GIGYF1: variants seen among roughly 807,000 people sequenced by gnomAD.
The protein encoded by GIGYF1 is GRB10 interacting GYF protein 1.
GIGYF1 carries 84 observed loss-of-function variants against 147.1 expected under a neutral mutation model. That is an observed-to-expected ratio of 0.57 (90% CI 0.48 to 0.68). The LOEUF (loss-of-function observed/expected upper bound fraction) is 0.68. Ranked by LOEUF, GIGYF1 falls within the 30% of genes least tolerant of loss-of-function variation. The pLI is 0.00. For missense variants in GIGYF1, 1,485 were observed against 1,393.7 expected (o/e 1.07, Z -1.04); for synonymous variants, 752 against 589.5 (o/e 1.28, Z -3.99).
chr7:100,688,140 A>C, intron 4 of GIGYF1, 30 bp from the exon 5 acceptor site: 1 of 1,604,932 alleles, frequency 6.2e-7, no homozygotes, highest in Non-Finnish European at 8.5e-7. Flanking sequence ...AAGAAGACAG[A>C]GGTCAGGGCA....
intron 5 of GIGYF1, 22 bp downstream of exon 5, chr7:100,687,959 C>T (rs575144026): frequency 1.9e-6 from 3 of 1,608,902 alleles, no homozygotes; most frequent in Admixed American, 1.7e-5. Flanking sequence ...CCACCGCCAA[C>T]CCCCCTCGCC....
In GIGYF1 at chr7:100,686,818, T is replaced by G. The variant is rs1403304720; in HGVS notation, c.525A>C (p.Ala175=). The G allele has an allele frequency of 2.5e-6, 4 of 1,613,634 alleles. No homozygotes were observed. The highest frequency in any genetic ancestry group is 3.4e-6 in the Non-Finnish European group (4 of 1,179,866). ...RFEKSARRDG[A]RCGFEEGGAG... ...CCCCTCCCTCCTCAAAGCCACATCGTGCTGGGAGACGGGAAGACAGGGGCA... is the reference window on the plus strand; with the variant it reads ...CCCCTCCCTCCTCAAAGCCACATCGGGCTGGGAGACGGGAAGACAGGGGCA... The change falls in exon 10 of 27, where the codon GCA becomes GCC. Residue 175 remains alanine, a splice_region_variant and synonymous_variant. Coordinates refer to ENST00000678049, the MANE Select transcript of GIGYF1 (RefSeq NM_001375765.1).
chr7:100,684,973 C>G (rs932744868), intron 14 of GIGYF1, 76 bp downstream of exon 14: 1 of 1,550,956 alleles, frequency 6.4e-7, no homozygotes, highest in Non-Finnish European at 8.6e-7. Flanking sequence ...GGAGCTTGAG[C>G]TGGGGCCGGG....
In GIGYF1 at chr7:100,687,871, G is replaced by A; in HGVS notation, c.178C>T (p.Leu60=). 2 of 1,613,484 alleles carry A rather than the reference G, an allele frequency of 1.2e-6. No homozygotes were observed. Among genetic ancestry groups the A allele is most frequent in the Non-Finnish European group, 1.7e-6 (2 of 1,179,990 alleles). Residue 60 remains leucine, a synonymous_variant, in exon 6 of 27, where the codon CTG becomes TTG. Transcript: ENST00000678049. ...YVKENKVPEE[L]QDKEFAAVLQ... ...ACCGCGGCGAACTCCTTGTCCTGCA[G>A]CTCTTCCGGGACCTGGCAGTGGGTT...
chr7:100,683,186 C>G lies in GIGYF1; in HGVS notation c.2238G>C (p.Gln746His). The change falls in exon 22 of 27, where the codon CAG becomes CAC. Residue 746 changes from glutamine (Q) to histidine (H), a missense_variant. By Grantham distance (24) the Gln-to-His change is conservative (BLOSUM62 0). Coordinates refer to ENST00000678049, the MANE Select transcript of GIGYF1 (RefSeq NM_001375765.1). ...TGGGTGCGGGGGGCACAGGGACCGCCTGCTGCTGCTGTAGCAACTTCAGCA... is the reference window on the plus strand; with the variant it reads ...TGGGTGCGGGGGGCACAGGGACCGCGTGCTGCTGCTGTAGCAACTTCAGCA... Reference protein sequence around the residue: ...ELLLKLLQQQQAVPVPPAPSS... With the variant: ...ELLLKLLQQQHAVPVPPAPSS... The G allele has an allele frequency of 6.2e-7, 1 of 1,607,044 alleles. No individual in the cohort carries two copies. Among genetic ancestry groups the G allele is most frequent in the East Asian group, 2.2e-5 (1 of 44,826 alleles).
chr7:100,683,113 T>G lies in GIGYF1; in HGVS notation c.2311A>C (p.Met771Leu). ...WAGLAKQGLS[M>L]KTLLELQLEG... ...AGCTGCAACTCCAGGAGCGTCTTCA[T>G]GGACAGCCCCTGCTTGGCCAGGCCA... The change falls in exon 22 of 27, where the codon ATG becomes CTG. Residue 771 changes from methionine to leucine, a missense_variant. Physicochemically the swap from Met to Leu is conservative, Grantham distance 15. Coordinates refer to ENST00000678049, the MANE Select transcript of GIGYF1 (RefSeq NM_001375765.1). The G allele has an allele frequency of 2.5e-6, 4 of 1,593,588 alleles. No individual in the cohort carries two copies. Among genetic ancestry groups the G allele is most frequent in the Non-Finnish European group, 3.4e-6 (4 of 1,174,706 alleles).
chr7:100,693,300 T>C (rs201386214), intron 1 of GIGYF1, among the ~76,000 whole-genome samples: 3 of 118,714 alleles, frequency 2.5e-5, no homozygotes, highest in African/African-American at 9.3e-5. Context: ...TTTTTTTGTT[T>C]TTTTTTTTTT....
At position 100,684,744 on chromosome 7, in the gene GIGYF1, C is replaced by A; in HGVS notation, c.1441G>T (p.Asp481Tyr). 6.2e-7 allele frequency: 1 copy of A among 1,612,134 alleles called. No individual in the cohort carries two copies. Among genetic ancestry groups the A allele is most frequent in the Non-Finnish European group, 8.5e-7 (1 of 1,179,154 alleles). Residue 481 changes from aspartate (D) to tyrosine (Y), a missense_variant, in exon 15 of 27, where the codon GAC becomes TAC. Transcript: ENST00000678049. ...HGAARKWFYK[D>Y]PQGEIQGPFT... is the part of the protein sequence containing the mutation. ...GTACCTTGGATCTCGCCCTGTGGGTCCTTGTAGAACCACTTCCGGGCAGCC... is the reference window on the plus strand; with the variant it reads ...GTACCTTGGATCTCGCCCTGTGGGTACTTGTAGAACCACTTCCGGGCAGCC...
In GIGYF1 at chr7:100,682,659, G is replaced by C. The variant is rs923825098; in HGVS notation, c.2531C>G (p.Thr844Ser). ...GACCAGGCTCCCGCCGCTCTTGGGG[G>C]TGTCCTCCCAGAGCCCCAGGCCGCT... ...GSSGLGLWED[T>S]PKSGGSLVRG... The change falls in exon 23 of 27, where the codon ACC (threonine) becomes AGC (serine). Residue 844 changes from threonine to serine, a missense_variant. Thr to Ser is a moderately conservative substitution (Grantham distance 58). Coordinates refer to ENST00000678049, the MANE Select transcript of GIGYF1 (RefSeq NM_001375765.1). 1.9e-6 allele frequency: 3 copies of C among 1,604,840 alleles called. No individual in the cohort carries two copies. The African/African-American group carries it at 4.0e-5, about 21-fold the overall frequency.
rs1173316064 is a variant in GIGYF1 at position 100,686,429 on chromosome 7, A to G, written c.699T>C (p.Gly233=). 1 of 1,589,532 alleles carries G rather than the reference A, an allele frequency of 6.3e-7. No homozygotes were observed. The highest frequency in any genetic ancestry group is 8.6e-7 in the Non-Finnish European group (1 of 1,168,896). The change falls in exon 11 of 27, where the codon GGT becomes GGC. Residue 233 remains glycine (G), a synonymous_variant. Coordinates refer to ENST00000678049, the MANE Select transcript of GIGYF1 (RefSeq NM_001375765.1). The part of the protein sequence containing the change: ...GDRWRSASPD[G]GPRSAGWREH... ...CCCGCCAGCCAGCAGAGCGGGGACC[A>G]CCATCTGCACAGGAAAAGTCAGGGA...
At position 100,689,132 on chromosome 7, in the gene GIGYF1, T is replaced by A. The variant is rs1584508314; in HGVS notation, c.-675A>T. 1 of 151,368 alleles carries A rather than the reference T, an allele frequency of 6.6e-6. No homozygotes were observed. The highest frequency in any genetic ancestry group is 6.6e-5 in the Admixed American group (1 of 15,174). The allele number at this position is 151,368 out of a possible 1,614,324, so 9.4% of individuals were successfully genotyped here. A position where few individuals can be genotyped will look rare whatever the true frequency, so the allele number is the denominator to read the frequency against. ...AAACCCAGTGAAAAGGAGCAGGAGG[T>A]GACTCTAGGGCCACAGACGGGTACA... On this transcript the variant is annotated 5_prime_UTR_variant, in exon 2 of 27. Coordinates refer to ENST00000678049, the MANE Select transcript of GIGYF1 (RefSeq NM_001375765.1).
rs777433867 is a variant in GIGYF1 at position 100,687,848 on chromosome 7, C to G, written c.201G>C (p.Ala67=). The change falls in exon 6 of 27, where the codon GCG becomes GCC. Residue 67 remains alanine (A), a synonymous_variant. Coordinates refer to ENST00000678049, the MANE Select transcript of GIGYF1 (RefSeq NM_001375765.1). ...PEELQDKEFA[A]VLQDEPLQPL... ...GCTGCAGTGGCTCGTCCTGCAGCAC[C>G]GCGGCGAACTCCTTGTCCTGCAGCT... The G allele has an allele frequency of 6.8e-6, 11 of 1,612,902 alleles. No homozygotes were observed. In the Admixed American group the frequency reaches 1.5e-4, roughly 22 times the overall value.
rs1224921200 is a variant in GIGYF1, at chr7:100,687,540, C to T, written c.338G>A (p.Gly113Asp). 1 of 1,612,368 alleles carries T rather than the reference C, an allele frequency of 6.2e-7. No homozygotes were observed. The change falls in exon 7 of 27, where the codon GGC (glycine) becomes GAC (aspartate). Residue 113 changes from glycine (G) to aspartate (D), a missense_variant. By Grantham distance (94) the Gly-to-Asp change is moderately conservative. Transcript: ENST00000678049. ...CGTGCTGCCCCTGCCTCGGGAGGTG[C>T]CAGCCAGGGGGGGGCCAGCCCCTTT... ...MGKGAGPPLA[G>D]TSRGRGSTRS...
chr7:100,683,003 C>A lies in GIGYF1; in HGVS notation c.2412+9G>T, dbSNP rs1395921026. 6.7e-7 allele frequency: 1 copy of A among 1,502,714 alleles called. No homozygotes were observed. Among genetic ancestry groups the A allele is most frequent in the East Asian group, 2.4e-5 (1 of 41,502 alleles). 93.1% of individuals were successfully genotyped at this position (1,502,714 alleles called of 1,614,324 possible). A position where few individuals can be genotyped will look rare whatever the true frequency, so the allele number is the denominator to read the frequency against. ...TAGGGGGAGCCCGGGAGGTTCCCGGCCTGCTCACCACTCGGTGGTTGGGGG... is the reference window on the plus strand; with the variant it reads ...TAGGGGGAGCCCGGGAGGTTCCCGGACTGCTCACCACTCGGTGGTTGGGGG... On this transcript the variant is annotated intron_variant, in intron 22 of 26. Transcript: ENST00000678049.
chr7:100,684,338 C>G lies in GIGYF1; in HGVS notation c.1630-1G>C. The G allele has an allele frequency of 6.3e-7, 1 of 1,595,852 alleles. No individual in the cohort carries two copies. Among genetic ancestry groups the G allele is most frequent in the Non-Finnish European group, 8.5e-7 (1 of 1,172,420 alleles). Reference sequence around the variant, plus strand: ...TCAGCCGCTCCTGGTCCATGTTTCCCTGCTCAGGTGAGAGCTCGGCCAGTG... The same window carrying G: ...TCAGCCGCTCCTGGTCCATGTTTCCGTGCTCAGGTGAGAGCTCGGCCAGTG... On this transcript the variant is annotated splice_acceptor_variant, in intron 16 of 26. Coordinates refer to ENST00000678049, the MANE Select transcript of GIGYF1 (RefSeq NM_001375765.1). LOFTEE classifies it high-confidence loss of function.
At chr7:100,686,159 C>T (rs1373426928) in intron 11 of GIGYF1, 21 bp downstream of exon 11, 6 of 1,602,632 alleles carry the variant, frequency 3.7e-6, no homozygotes, top group South Asian at 1.1e-5. Flanking sequence ...CAGGTTCCCA[C>T]CCTCGCCTCC....
chr7:100,682,713 C>T lies in GIGYF1; in HGVS notation c.2477G>A (p.Gly826Asp). 2 of 1,580,728 alleles carry T rather than the reference C, an allele frequency of 1.3e-6. No individual in the cohort carries two copies. The highest frequency in any genetic ancestry group is 8.6e-7 in the Non-Finnish European group (1 of 1,164,120). Residue 826 changes from glycine (G) to aspartate (D), a missense_variant, in exon 23 of 27, where the codon GGC (glycine) becomes GAC (aspartate). Physicochemically the swap from Gly to Asp is moderately conservative, Grantham distance 94. Transcript: ENST00000678049. ...QWVSEAGPLW[G>D]GPDKSGGGSS... Reference sequence around the variant, plus strand: ...GCCGCCCCCACTCTTGTCTGGCCCGCCCCACAGTGGCCCAGCCTCAGACAC... The same window carrying T: ...GCCGCCCCCACTCTTGTCTGGCCCGTCCCACAGTGGCCCAGCCTCAGACAC...
chr7:100,683,726 G>A (rs961031150), intron 19 of GIGYF1, 92 bp downstream of exon 19: 4 of 1,548,254 alleles, frequency 2.6e-6, no homozygotes, highest in Admixed American at 1.7e-5. Context: ...AGCCAGAATG[G>A]CAGCTAGGGG....
At chr7:100,687,165 A>C in intron 8 of GIGYF1, 119 bp from the exon 9 acceptor site, 5 of 1,494,600 alleles carry the variant, frequency 3.3e-6, no homozygotes, top group Non-Finnish European at 4.7e-6. Context: ...GGGACAAACG[A>C]AACCAGGGGT....
Sources: allele counts gnomAD v4.1 joint callset (sites outside exome capture counted in the v4.1 genomes callset), GRCh38; gene constraint gnomAD v4.1.1; transcripts MANE v1.5; gene names NCBI Gene and HGNC (gene_info 2026-07-23, HGNC 2026-07-21).